The following FBXL13 variants were observed in gnomAD, a reference collection of about 807,000 sequenced individuals.
FBXL13 encodes F-box and leucine-rich repeat protein 13.
In FBXL13, 67 loss-of-function variants were observed where a neutral mutation model predicts 83.6. That is an observed-to-expected ratio of 0.80 (90% CI 0.66 to 0.98). The LOEUF (loss-of-function observed/expected upper bound fraction) is 0.98, where lower values mean the gene tolerates loss of function less well. Among genes scored for constraint, FBXL13 ranks in the 50% least tolerant of loss-of-function variants. The probability of loss-of-function intolerance (pLI) is 0.00; values close to 1 mark genes in which losing one functional copy is unlikely to be tolerated. For synonymous variants in FBXL13, 272 were observed against 299.5 expected (o/e 0.91, Z 0.95); for missense variants, 822 against 866.5 (o/e 0.95, Z 0.64).
chr7:102,849,753 T>C (rs1370742293), intron 17 of FBXL13, among the ~76,000 whole-genome samples: 2 of 152,072 alleles, frequency 1.3e-5, no homozygotes, highest in African/African-American at 4.8e-5. Flanking sequence ...AGGGGAAAGA[T>C]TACCACATGC....
chr7:102,890,667 C>T (rs892269455), intron 11 of FBXL13, among the ~76,000 whole-genome samples: 3 of 152,198 alleles, frequency 2.0e-5, no homozygotes, highest in Non-Finnish European at 4.4e-5. Flanking sequence ...ATCCCTCTGC[C>T]GCTCTAAGGT....
intron 8 of FBXL13, among the ~76,000 whole-genome samples, chr7:102,948,554 G>A (rs1771718054): frequency 6.6e-6 from 1 of 151,872 alleles, no homozygotes; most frequent in Non-Finnish European, 1.5e-5. Flanking sequence ...TTCCTGAGTA[G>A]CTAGGACTAC....
chr7:102,820,415 T>C (rs937501341), intron 19 of FBXL13, among the ~76,000 whole-genome samples: 1 of 152,242 alleles, frequency 6.6e-6, no homozygotes, highest in Non-Finnish European at 1.5e-5. Flanking sequence ...CATTGGGGTT[T>C]TGGGACAAAG....
At chr7:102,835,568 A>G (rs1172468536) in intron 17 of FBXL13, among the ~76,000 whole-genome samples, 1 of 151,880 alleles carries the variant, frequency 6.6e-6, no homozygotes, top group Non-Finnish European at 1.5e-5. Context: ...TTAATAATAC[A>G]AGAATTTTTA....
rs1801251925 is a variant in FBXL13, at chr7:102,834,071, AGGAAGGAAG to A, written c.1720-1106_1720-1098del. Among the ~76,000 whole-genome samples the A allele has an allele frequency of 2.3e-4, 27 of 119,494 alleles. No homozygotes were observed. The East Asian group carries it at 4.1e-3, about 18-fold the overall frequency. 78.4% of individuals were successfully genotyped at this position (119,494 alleles called of 152,430 possible). A position where few individuals can be genotyped will look rare whatever the true frequency, so the allele number is the denominator to read the frequency against. ...AAGGAAGGAAGGAAGGAAGGAAGGA[AGGAAGGAAG>A]GAAAGAAAAGAAAGAAAGAAAGAAA... On this transcript the variant is annotated intron_variant, in intron 17 of 19. Coordinates refer to ENST00000313221, the Ensembl canonical transcript of FBXL13.
intron 6 of FBXL13, among the ~76,000 whole-genome samples, chr7:103,000,640 T>C (rs1790287263): frequency 6.6e-6 from 1 of 152,246 alleles, no homozygotes; most frequent in Non-Finnish European, 1.5e-5. Flanking sequence ...TGTTCCTTTG[T>C]TGATTTTCTG....
intron 14 of FBXL13, among the ~76,000 whole-genome samples, chr7:102,879,335 T>C (rs1170950625): frequency 6.6e-6 from 1 of 152,122 alleles, no homozygotes; most frequent in African/African-American, 2.4e-5. Context: ...AGATATCCTG[T>C]TTCAGCTGAA....
intron 6 of FBXL13, among the ~76,000 whole-genome samples, chr7:103,008,848 G>A (rs566460850): frequency 3.9e-5 from 6 of 152,104 alleles, no homozygotes; most frequent in East Asian, 1.9e-4. Flanking sequence ...GTGAGCCACC[G>A]CGCCCAGCTT....
chr7:102,904,915 C>T (rs932814113), intron 11 of FBXL13, among the ~76,000 whole-genome samples: 28 of 152,176 alleles, frequency 1.8e-4, no homozygotes, highest in African/African-American at 6.3e-4. Flanking sequence ...ATATTTGTAT[C>T]GTTTCCAAAA....
intron 11 of FBXL13, among the ~76,000 whole-genome samples, chr7:102,909,214 A>G (rs541834855): frequency 3.3e-5 from 5 of 152,240 alleles, no homozygotes; most frequent in East Asian, 1.9e-4. Flanking sequence ...CAGGCTACCA[A>G]TGATGTTCTC....
chr7:102,967,332 G>GTC (rs1826084236), intron 7 of FBXL13, among the ~76,000 whole-genome samples: 1 of 151,470 alleles, frequency 6.6e-6, no homozygotes, highest in African/African-American at 2.4e-5. Flanking sequence ...GAGTGCAGTG[G>GTC]CACGGTCTCA....
chr7:102,856,234 G>A (rs1002522187), intron 16 of FBXL13, among the ~76,000 whole-genome samples: 5 of 152,136 alleles, frequency 3.3e-5, no homozygotes, highest in African/African-American at 4.8e-5. Context: ...ATCCTGTGGA[G>A]CCATCACATG....
chr7:103,058,587 C>T (rs1418377389), intron 1 of FBXL13, among the ~76,000 whole-genome samples: 1 of 152,204 alleles, frequency 6.6e-6, no homozygotes, highest in Non-Finnish European at 1.5e-5. Context: ...GTATTCCTCA[C>T]TCTACATCCT....
intron 6 of FBXL13, among the ~76,000 whole-genome samples, chr7:103,005,180 G>C (rs1221998802): frequency 6.6e-6 from 1 of 152,078 alleles, no homozygotes; most frequent in Admixed American, 6.6e-5. Context: ...CACTACCTAT[G>C]GCAGAAATTA....
intron 18 of FBXL13, 94 bp downstream of exon 19, chr7:102,832,746 G>T: frequency 1.4e-6 from 2 of 1,392,466 alleles, no homozygotes; most frequent in South Asian, 3.6e-5. Context: ...ATGGCAAAGA[G>T]AACATATTCT....
At chr7:103,016,666 C>T (rs990993159) in intron 6 of FBXL13, among the ~76,000 whole-genome samples, 4 of 152,198 alleles carry the variant, frequency 2.6e-5, no homozygotes, top group Non-Finnish European at 5.9e-5. Flanking sequence ...AAATGGCACA[C>T]CAGGAGATTA....
chr7:103,023,647 A>T (rs529323415), intron 6 of FBXL13, among the ~76,000 whole-genome samples: 68 of 152,214 alleles, frequency 4.5e-4, no homozygotes, highest in Non-Finnish European at 7.3e-4. Flanking sequence ...AATATAAATC[A>T]TTCTACCATA....
chr7:102,981,686 A>G (rs1828245499), intron 6 of FBXL13, among the ~76,000 whole-genome samples: 1 of 152,166 alleles, frequency 6.6e-6, no homozygotes, highest in Admixed American at 6.5e-5. Context: ...ATACACAGTC[A>G]TTTCACTGTG....
chr7:102,850,318 T>A (rs1238347628), intron 17 of FBXL13, among the ~76,000 whole-genome samples: 2 of 151,858 alleles, frequency 1.3e-5, no homozygotes, highest in Non-Finnish European at 2.9e-5. Flanking sequence ...CTTTGGCCAA[T>A]ACTCCTTCAT....
Sources: gnomAD v4.1 joint callset for allele counts (sites outside exome capture counted in the v4.1 genomes callset) on GRCh38, gnomAD v4.1.1 for gene constraint, MANE v1.5 for transcripts, NCBI Gene and HGNC (gene_info 2026-07-23, HGNC 2026-07-21) for gene names.